The following PGAP1 variants were observed in gnomAD, a reference collection of about 807,000 sequenced individuals.
PGAP1 encodes the protein post-GPI attachment to proteins inositol deacylase 1, also known as GPI inositol-deacylase.
In PGAP1, 76 loss-of-function variants were observed where a neutral mutation model predicts 127.0. The ratio of observed to expected loss-of-function variants is 0.60; its 90% CI spans 0.50 to 0.72. The LOEUF (loss-of-function observed/expected upper bound fraction) is 0.72. Ranked by LOEUF, PGAP1 falls within the 30% of genes least tolerant of loss-of-function variation. The pLI is 0.00. For synonymous variants in PGAP1, 362 were observed against 366.5 expected (o/e 0.99, Z 0.14); for missense variants, 982 against 1,071.3 (o/e 0.92, Z 1.16).
intron 12 of PGAP1, among the ~76,000 whole-genome samples, chr2:196,880,860 CTTGTT>C (rs909338160): frequency 3.3e-5 from 5 of 152,012 alleles, no homozygotes; most frequent in African/African-American, 9.7e-5. Flanking sequence ...TGTTTTCTTT[CTTGTT>C]TTAATTTAAC....
At position 196,843,886 on chromosome 2, in the gene PGAP1, A is replaced by G; in HGVS notation, c.2525+2T>C. The G allele has an allele frequency of 1.3e-6, 2 of 1,500,070 alleles. No homozygotes were observed. 92.9% of individuals were successfully genotyped at this position (1,500,070 alleles called of 1,614,324 possible). On this transcript the variant is annotated splice_donor_variant, in intron 25 of 26. Coordinates refer to ENST00000354764, the MANE Select transcript of PGAP1 (RefSeq NM_024989.4). LOFTEE classifies it high-confidence loss of function. ...AACAATAATTATATCAATAAAACGC[A>G]CCTAAGATTCTTTAGCCAATAAATT...
intron 18 of PGAP1, 77 bp from the exon 19 acceptor site, chr2:196,871,056 T>A (rs1051586397): frequency 1.0e-6 from 1 of 984,006 alleles, no homozygotes; most frequent in Non-Finnish European, 1.6e-6. Flanking sequence ...TGAGCACTTA[T>A]GCATATCTCT....
intron 1 of PGAP1, among the ~76,000 whole-genome samples, 171 bp from the exon 2 acceptor site, chr2:196,920,321 T>C (rs1341573281): frequency 2.0e-5 from 3 of 152,150 alleles, no homozygotes; most frequent in South Asian, 2.1e-4. Context: ...TTTATTCATA[T>C]AGAGAATCAG....
intron 3 of PGAP1, 133 bp from the exon 4 acceptor site, chr2:196,913,186 G>T: frequency 1.3e-6 from 1 of 766,952 alleles, no homozygotes. Context: ...CCATCATAAG[G>T]TACAGAAATA....
At chr2:196,861,369 C>A (rs79423037) in intron 20 of PGAP1, among the ~76,000 whole-genome samples, 1,541 of 152,174 alleles carry the variant, frequency 0.01, 23 homozygotes, top group African/African-American at 0.035. Context: ...CAACAAACAA[C>A]AAAGTGAAGA....
At chr2:196,867,097 T>G (rs1701267418) in intron 19 of PGAP1, among the ~76,000 whole-genome samples, 1 of 152,114 alleles carries the variant, frequency 6.6e-6, no homozygotes, top group Admixed American at 6.5e-5. Flanking sequence ...GATCTAGAAC[T>G]AGAAATACCA....
intron 20 of PGAP1, 103 bp downstream of exon 20, chr2:196,864,884 T>C (rs1701187022): frequency 4.0e-6 from 2 of 503,836 alleles, no homozygotes; most frequent in Non-Finnish European, 6.6e-6. Context: ...GTCTCCTGAT[T>C]CAATATAACA....
chr2:196,885,372 G>T, intron 12 of PGAP1, 52 bp downstream of exon 12: 1 of 1,231,076 alleles, frequency 8.1e-7, no homozygotes, highest in Non-Finnish European at 1.2e-6. Flanking sequence ...AATGTGTATA[G>T]ACTCAAGTAT....
chr2:196,889,033 A>C (rs1702012831), intron 10 of PGAP1, among the ~76,000 whole-genome samples: 1 of 152,202 alleles, frequency 6.6e-6, no homozygotes, highest in Non-Finnish European at 1.5e-5. Flanking sequence ...AAATTTCTAT[A>C]ATAAAAATTG....
intron 10 of PGAP1, among the ~76,000 whole-genome samples, chr2:196,887,007 C>T (rs1376312850): frequency 3.9e-5 from 6 of 152,196 alleles, no homozygotes; most frequent in African/African-American, 1.4e-4. Context: ...TGGACTAAAG[C>T]CCAATTCCAA....
At chr2:196,924,794 T>A (rs929054759) in intron 1 of PGAP1, among the ~76,000 whole-genome samples, 3 of 152,174 alleles carry the variant, frequency 2.0e-5, no homozygotes, top group Non-Finnish European at 2.9e-5. Context: ...AGGAAATGCG[T>A]CTGTGAGATC....
In PGAP1 at chr2:196,834,383, G is replaced by C. The variant is rs1700179207; in HGVS notation, c.*6851C>G. 1 of 152,282 alleles carries C rather than the reference G, an allele frequency of 6.6e-6. No individual in the cohort carries two copies. Among genetic ancestry groups the C allele is most frequent in the Admixed American group, 6.6e-5 (1 of 15,260 alleles). The allele number at this position is 152,282 out of a possible 1,614,324, so 9.4% of individuals were successfully genotyped here. A position where few individuals can be genotyped will look rare whatever the true frequency, so the allele number is the denominator to read the frequency against. On this transcript the variant is annotated 3_prime_UTR_variant, in exon 27 of 27. Coordinates refer to ENST00000354764, the MANE Select transcript of PGAP1 (RefSeq NM_024989.4). Reference sequence around the variant, plus strand: ...CACCAACCTCGAAGACAAGGATTTGGGGCCAATTTGAGAGGACCACCCATA... The same window carrying C: ...CACCAACCTCGAAGACAAGGATTTGCGGCCAATTTGAGAGGACCACCCATA...
At position 196,920,226 on chromosome 2, in the gene PGAP1, A is replaced by G. The variant is rs1249580753; in HGVS notation, c.148-76T>C. The G allele has an allele frequency of 1.2e-5, 16 of 1,312,482 alleles. No homozygotes were observed. In the South Asian group the frequency reaches 2.4e-4, roughly 20 times the overall value. The allele number at this position is 1,312,482 out of a possible 1,614,324, so 81.3% of individuals were successfully genotyped here. A position where few individuals can be genotyped will look rare whatever the true frequency, so the allele number is the denominator to read the frequency against. On this transcript the variant is annotated intron_variant, in intron 1 of 26. Coordinates refer to ENST00000354764, the MANE Select transcript of PGAP1 (RefSeq NM_024989.4). ...TCAGCCTCACCATATGCAATTCTGA[A>G]TTACGCAAATTTGAAATAGTGCAAT...
chr2:196,888,001 A>T (rs1701973408), intron 10 of PGAP1, among the ~76,000 whole-genome samples: 1 of 152,172 alleles, frequency 6.6e-6, no homozygotes, highest in East Asian at 1.9e-4. Context: ...TCATTATGAA[A>T]ATTGCTGATA....
intron 4 of PGAP1, among the ~76,000 whole-genome samples, chr2:196,911,687 CA>C (rs1702825795): frequency 6.9e-6 from 1 of 145,216 alleles, no homozygotes. Context: ...ATTTACTAAC[CA>C]GAAAGAATTC....
At chr2:196,904,676 C>T (rs1302733970) in intron 4 of PGAP1, among the ~76,000 whole-genome samples, 1 of 151,796 alleles carries the variant, frequency 6.6e-6, no homozygotes, top group South Asian at 2.1e-4. Context: ...TGCAGTGAGC[C>T]GAGATTGCGC....
rs1700235564 is a variant in PGAP1, at chr2:196,836,330, C to A, written c.*4904G>T. The A allele has an allele frequency of 1.3e-5, 2 of 152,524 alleles. No homozygotes were observed. Among genetic ancestry groups the A allele is most frequent in the Admixed American group, 6.5e-5 (1 of 15,270 alleles). The allele number at this position is 152,524 out of a possible 1,614,324, so 9.4% of individuals were successfully genotyped here. A position where few individuals can be genotyped will look rare whatever the true frequency, so the allele number is the denominator to read the frequency against. ...ACAATTAAGACAGCTTAGAATATCA[C>A]CTTTTGAAGGACATGTTATGAATTT... On this transcript the variant is annotated 3_prime_UTR_variant, in exon 27 of 27. Coordinates refer to ENST00000354764, the MANE Select transcript of PGAP1 (RefSeq NM_024989.4).
chr2:196,913,558 A>G (rs1702906384), intron 3 of PGAP1, among the ~76,000 whole-genome samples: 1 of 152,228 alleles, frequency 6.6e-6, no homozygotes, highest in Non-Finnish European at 1.5e-5. Context: ...AGCATTCCAA[A>G]CATTTATTCA....
intron 20 of PGAP1, among the ~76,000 whole-genome samples, chr2:196,864,509 AATT>A (rs1328368657): frequency 6.6e-6 from 1 of 152,130 alleles, no homozygotes; most frequent in East Asian, 1.9e-4. Flanking sequence ...AATACTAGCA[AATT>A]ATTATATGAA....
Sources: gnomAD v4.1 joint callset for allele counts (sites outside exome capture counted in the v4.1 genomes callset) on GRCh38, gnomAD v4.1.1 for gene constraint, MANE v1.5 for transcripts, NCBI Gene and HGNC (gene_info 2026-07-23, HGNC 2026-07-21) for gene names.